GABRA1: variants seen among roughly 807,000 people sequenced by gnomAD.
GABRA1 encodes gamma-aminobutyric acid receptor subunit alpha-1.
A neutral mutation model predicts 48.9 loss-of-function variants in GABRA1; 9 were observed. The ratio of observed to expected loss-of-function variants is 0.18; its 90% CI spans 0.11 to 0.32. The LOEUF (loss-of-function observed/expected upper bound fraction) is 0.32, where lower values mean the gene tolerates loss of function less well. GABRA1 is among the 10% of genes least tolerant of loss of function. The pLI is 1.00. For synonymous variants in GABRA1, 210 were observed against 198.7 expected, an observed-to-expected ratio of 1.06 and a Z score of -0.48; for missense variants, 285 against 553.8, an observed-to-expected ratio of 0.51 and a Z score of 4.87.
intron 7 of GABRA1, among the ~76,000 whole-genome samples, chr5:161,885,840 T>G (rs1286878666): frequency 6.6e-6 from 1 of 152,142 alleles, no homozygotes; most frequent in Non-Finnish European, 1.5e-5. Context: ...AAATCCAATA[T>G]GTCTTTATTA....
intron 3 of GABRA1, among the ~76,000 whole-genome samples, chr5:161,860,980 G>T (rs1245849297): frequency 4.6e-5 from 7 of 151,380 alleles, no homozygotes; most frequent in Non-Finnish European, 1.0e-4. Context: ...TTTTTTTCTG[G>T]CAGAATCAGA....
At chr5:161,881,032 A>C (rs763260117) in intron 6 of GABRA1, among the ~76,000 whole-genome samples, 2 of 152,196 alleles carry the variant, frequency 1.3e-5, no homozygotes, top group Non-Finnish European at 2.9e-5. Flanking sequence ...ACAAAGATGA[A>C]TATAATCCAG....
chr5:161,899,448 T>C lies in GABRA1; in HGVS notation c.*2026T>C, dbSNP rs1430268693. 2 of 152,232 alleles carry C rather than the reference T, an allele frequency of 1.3e-5. No individual in the cohort carries two copies. Among genetic ancestry groups the C allele is most frequent in the African/African-American group, 2.4e-5 (1 of 41,458 alleles). The allele number at this position is 152,232 out of a possible 1,614,324, so 9.4% of individuals were successfully genotyped here. On this transcript the variant is annotated 3_prime_UTR_variant, in exon 10 of 10. Transcript: ENST00000393943. ...TTTATCTTGTTATTTTTCGGCGTTATACTAATGTGTTTATTGAGAGCATTT... is the reference window on the plus strand; with the variant it reads ...TTTATCTTGTTATTTTTCGGCGTTACACTAATGTGTTTATTGAGAGCATTT...
intron 7 of GABRA1, among the ~76,000 whole-genome samples, chr5:161,884,176 AC>A (rs1754738162): frequency 6.6e-6 from 1 of 152,162 alleles, no homozygotes; most frequent in African/African-American, 2.4e-5. Flanking sequence ...GTCCTGAAAT[AC>A]CCCAGAACAT....
At chr5:161,862,834 C>T (rs976756938) in intron 3 of GABRA1, among the ~76,000 whole-genome samples, 1 of 151,904 alleles carries the variant, frequency 6.6e-6, no homozygotes, top group South Asian at 2.1e-4. Context: ...GTCATTTGAG[C>T]AGGTATTATT....
chr5:161,852,160 A>G (rs1053880984), intron 2 of GABRA1, among the ~76,000 whole-genome samples: 1 of 152,076 alleles, frequency 6.6e-6, no homozygotes, highest in Non-Finnish European at 1.5e-5. Context: ...CTGGGAAAGC[A>G]GAACTGGTCT....
At chr5:161,848,757 A>C (rs1244431606) in intron 1 of GABRA1, 1 of 285,458 alleles carries the variant, frequency 3.5e-6, no homozygotes, top group African/African-American at 2.4e-5. Context: ...GGGTGGTGGC[A>C]TGTTGTTTTG....
At chr5:161,871,965 C>T (rs1468857495) in intron 4 of GABRA1, among the ~76,000 whole-genome samples, 2 of 152,146 alleles carry the variant, frequency 1.3e-5, no homozygotes, top group Non-Finnish European at 2.9e-5. Flanking sequence ...ATTGCTTAAG[C>T]CCTTGGAAGG....
Position 161,875,653 on chromosome 5 carries a change from T to C in GABRA1, c.559+11T>C, listed in dbSNP as rs762653176. On this transcript the variant is annotated intron_variant, in intron 6 of 9. Coordinates refer to ENST00000393943, the MANE Select transcript of GABRA1 (RefSeq NM_001127644.2). Reference sequence around the variant, plus strand: ...TAAAATTTGGAAGTTGTGAGTAAATTTATATGGACTTTTCTTGATTGTAAG... The same window carrying C: ...TAAAATTTGGAAGTTGTGAGTAAATCTATATGGACTTTTCTTGATTGTAAG... 4 of 1,579,564 alleles carry C rather than the reference T, an allele frequency of 2.5e-6. No homozygotes were observed. The highest frequency in any genetic ancestry group is 3.5e-6 in the Non-Finnish European group (4 of 1,148,718).
At chr5:161,870,560 C>A (rs1343172508) in intron 4 of GABRA1, among the ~76,000 whole-genome samples, 1 of 131,954 alleles carries the variant, frequency 7.6e-6, no homozygotes, top group Admixed American at 8.1e-5. Context: ...AAGAGTGAAA[C>A]TCCTTCAGAA....
chr5:161,850,959 G>A, intron 2 of GABRA1, 75 bp downstream of exon 2: 1 of 1,253,234 alleles, frequency 8.0e-7, no homozygotes, highest in Non-Finnish European at 1.2e-6. Context: ...GAAGAAAATT[G>A]TCCTCAAATG....
At chr5:161,889,706 G>A (rs1581213969) in intron 7 of GABRA1, among the ~76,000 whole-genome samples, 1 of 151,986 alleles carries the variant, frequency 6.6e-6, no homozygotes, top group Non-Finnish European at 1.5e-5. Context: ...TAGAGCTTGA[G>A]TCACTTTATA....
At chr5:161,880,056 T>C (rs760814996) in intron 6 of GABRA1, among the ~76,000 whole-genome samples, 2 of 152,170 alleles carry the variant, frequency 1.3e-5, no homozygotes, top group Non-Finnish European at 2.9e-5. Context: ...TGCAAACCTA[T>C]CTAATATACA....
chr5:161,893,036 T>TAAC (rs1755184057), intron 8 of GABRA1, among the ~76,000 whole-genome samples: 1 of 141,418 alleles, frequency 7.1e-6, no homozygotes, highest in African/African-American at 2.6e-5. Flanking sequence ...ATAATAATAA[T>TAAC]AATAATAATA....
intron 7 of GABRA1, among the ~76,000 whole-genome samples, chr5:161,887,050 A>G (rs901574389): frequency 1.3e-5 from 2 of 152,240 alleles, no homozygotes; most frequent in Non-Finnish European, 2.9e-5. Context: ...ATCAGTGTCC[A>G]GAAAACATTA....
chr5:161,883,124 A>G (rs1191822065), intron 7 of GABRA1, among the ~76,000 whole-genome samples: 1 of 152,168 alleles, frequency 6.6e-6, no homozygotes, highest in South Asian at 2.1e-4. Context: ...ATAAATAACT[A>G]TTTATATAGT....
chr5:161,867,826 G>A (rs1398235789), intron 4 of GABRA1, among the ~76,000 whole-genome samples: 1 of 151,910 alleles, frequency 6.6e-6, no homozygotes, highest in Non-Finnish European at 1.5e-5. Flanking sequence ...CTAATCACAT[G>A]TATTGACTAT....
intron 1 of GABRA1, among the ~76,000 whole-genome samples, chr5:161,849,352 A>T (rs1757349208): frequency 6.6e-6 from 1 of 152,312 alleles, no homozygotes; most frequent in South Asian, 2.1e-4. Flanking sequence ...GATTAGTAAA[A>T]GGGTAAATTA....
At chr5:161,851,703 G>A (rs1467275716) in intron 2 of GABRA1, among the ~76,000 whole-genome samples, 1 of 151,428 alleles carries the variant, frequency 6.6e-6, no homozygotes, top group African/African-American at 2.5e-5. Flanking sequence ...TAGGGAGATG[G>A]AATAGTCTGG....
Sources: gnomAD v4.1 joint callset for allele counts (sites outside exome capture counted in the v4.1 genomes callset) on GRCh38, gnomAD v4.1.1 for gene constraint, MANE v1.5 for transcripts, NCBI Gene and HGNC (gene_info 2026-07-23, HGNC 2026-07-21) for gene names.